ATP8A2: variants seen among roughly 807,000 people sequenced by gnomAD.
ATP8A2 encodes ATPase phospholipid transporting 8A2, also known as phospholipid-transporting ATPase IB.
A neutral mutation model predicts 165.6 loss-of-function variants in ATP8A2; 100 were observed. That is an observed-to-expected ratio of 0.60 (90% CI 0.51 to 0.71). The LOEUF is 0.71. Among genes scored for constraint, ATP8A2 ranks in the 30% least tolerant of loss-of-function variants. The pLI, the probability that ATP8A2 is intolerant of heterozygous loss-of-function variation, is 0.00. For missense variants in ATP8A2, 1,227 were observed against 1,479.5 expected, an observed-to-expected ratio of 0.83 and a Z score of 2.80; for synonymous variants, 543 against 548.8, an observed-to-expected ratio of 0.99 and a Z score of 0.15.
chr13:25,870,686 C>G (rs1024110745), intron 33 of ATP8A2, among the ~76,000 whole-genome samples: 15 of 152,162 alleles, frequency 9.9e-5, no homozygotes, highest in African/African-American at 3.4e-4. Context: ...GTCGGTTGGA[C>G]TCCAAGCTGG....
chr13:25,777,674 G>A (rs1375850073), intron 27 of ATP8A2, among the ~76,000 whole-genome samples: 3 of 152,124 alleles, frequency 2.0e-5, no homozygotes, highest in Admixed American at 6.5e-5. Flanking sequence ...AAATACACAT[G>A]TGTGCATGCA....
chr13:25,681,884 C>T (rs568862130), intron 24 of ATP8A2, among the ~76,000 whole-genome samples: 1 of 152,104 alleles, frequency 6.6e-6, no homozygotes, highest in Admixed American at 6.5e-5. Flanking sequence ...TGAGAACAAA[C>T]GAAGACTTGG....
intron 25 of ATP8A2, among the ~76,000 whole-genome samples, chr13:25,735,784 T>C (rs1010159112): frequency 1.3e-5 from 2 of 152,184 alleles, no homozygotes; most frequent in African/African-American, 4.8e-5. Context: ...GCTGTTGTAA[T>C]GTCATAGTGC....
Position 26,025,253 on chromosome 13 carries a change from C to CT in ATP8A2, c.*5269dup, listed in dbSNP as rs1271130121. Reference sequence around the variant, plus strand: ...CAATGTCAGTACTGAAACTCCTACTCTCCCCTCCCGCCCCACTCTCCCCCG... The same window carrying CT: ...CAATGTCAGTACTGAAACTCCTACTCTTCCCCTCCCGCCCCACTCTCCCCCG... On this transcript the variant is annotated 3_prime_UTR_variant, in exon 37 of 37. Transcript: ENST00000381655. The CT allele has an allele frequency of 6.6e-6, 1 of 152,106 alleles. No homozygotes were observed. The highest frequency in any genetic ancestry group is 1.5e-5 in the Non-Finnish European group (1 of 68,062). 9.4% of individuals were successfully genotyped at this position (152,106 alleles called of 1,614,324 possible). A position where few individuals can be genotyped will look rare whatever the true frequency, so the allele number is the denominator to read the frequency against.
At chr13:25,963,265 G>T (rs888221559) in intron 34 of ATP8A2, among the ~76,000 whole-genome samples, 4 of 151,918 alleles carry the variant, frequency 2.6e-5, no homozygotes, top group African/African-American at 9.7e-5. Flanking sequence ...GTGGTGGCGG[G>T]CACCTGTAGT....
intron 24 of ATP8A2, among the ~76,000 whole-genome samples, chr13:25,592,513 C>T (rs555545292): frequency 7.9e-5 from 12 of 152,272 alleles, no homozygotes; most frequent in East Asian, 5.8e-4. Context: ...GCCAAAACAC[C>T]GCATCGGTGG....
intron 11 of ATP8A2, among the ~76,000 whole-genome samples, chr13:25,552,277 A>G (rs1185752804): frequency 6.6e-6 from 1 of 152,070 alleles, no homozygotes; most frequent in East Asian, 1.9e-4. Flanking sequence ...GTGAGTCACC[A>G]CGCCTGGCCA....
At chr13:25,829,678 A>G (rs1488857324) in intron 28 of ATP8A2, among the ~76,000 whole-genome samples, 71 of 24,646 alleles carry the variant, frequency 2.9e-3, no homozygotes, top group Middle Eastern at 0.014. Flanking sequence ...GTATATATAT[A>G]TATATATATA....
intron 25 of ATP8A2, among the ~76,000 whole-genome samples, chr13:25,744,916 G>C (rs1427310821): frequency 6.7e-6 from 1 of 150,300 alleles, no homozygotes; most frequent in Non-Finnish European, 1.5e-5. Flanking sequence ...CACTAGAGCA[G>C]GGGCCCAGTT....
chr13:25,968,432 A>G, intron 34 of ATP8A2, 143 bp from the exon 35 acceptor site: 1 of 679,534 alleles, frequency 1.5e-6, no homozygotes, highest in Non-Finnish European at 2.6e-6. Context: ...TCATGCATGG[A>G]GACTGTGAAA....
chr13:25,972,702 T>C (rs1281839205), intron 35 of ATP8A2, among the ~76,000 whole-genome samples: 28 of 152,102 alleles, frequency 1.8e-4, no homozygotes. Flanking sequence ...TGGAAGAAAA[T>C]TCTTTGTTTT....
At chr13:25,751,435 ATTTAT>A (rs979385534) in intron 25 of ATP8A2, among the ~76,000 whole-genome samples, 3 of 152,000 alleles carry the variant, frequency 2.0e-5, no homozygotes, top group African/African-American at 7.3e-5. Context: ...TTTATTATTT[ATTTAT>A]TTTATTTTAT....
chr13:25,987,568 C>T (rs1008329690), intron 35 of ATP8A2, among the ~76,000 whole-genome samples: 26 of 152,266 alleles, frequency 1.7e-4, no homozygotes, highest in South Asian at 2.1e-4. Flanking sequence ...ATGCTGTTGC[C>T]TCACTCCCCG....
At chr13:25,602,021 A>G (rs1421998786) in intron 24 of ATP8A2, among the ~76,000 whole-genome samples, 1 of 151,860 alleles carries the variant, frequency 6.6e-6, no homozygotes, top group East Asian at 1.9e-4. Context: ...TTTTCCTACC[A>G]TCTGCTAAAA....
rs114873415 is a variant in ATP8A2 at position 25,819,366 on chromosome 13, C to T, written c.2680-8752C>T. Among the ~76,000 whole-genome samples, 561 of 152,218 alleles carry T rather than the reference C, an allele frequency of 3.7e-3. 2 individuals carry two copies. The highest frequency in any genetic ancestry group is 0.013 in the African/African-American group (534 of 41,538). ...GGTCTCCATTTAATTCTGGCCACTC[C>T]ATCCCATAATTTATTGAACAGAAAA... On this transcript the variant is annotated intron_variant, in intron 27 of 36. Coordinates refer to ENST00000381655, the MANE Select transcript of ATP8A2 (RefSeq NM_016529.6).
chr13:25,519,240 A>G (rs2037579900), intron 2 of ATP8A2, among the ~76,000 whole-genome samples: 2 of 152,060 alleles, frequency 1.3e-5, no homozygotes, highest in Non-Finnish European at 2.9e-5. Context: ...TCACCTTCTC[A>G]GTGAAACCTT....
At chr13:25,421,145 G>C (rs2034287185) in intron 1 of ATP8A2, among the ~76,000 whole-genome samples, 1 of 152,190 alleles carries the variant, frequency 6.6e-6, no homozygotes, top group African/African-American at 2.4e-5. Context: ...AGAAAGCACA[G>C]ATTAAAAATC....
In ATP8A2 at chr13:26,023,400, C is replaced by T. The variant is rs761772337; in HGVS notation, c.*3415C>T. ...GAGAATTCTGTTGACATTTTCTTTCCCTTGACAAGGCTTCAGGTTCGTCTC... is the reference window on the plus strand; with the variant it reads ...GAGAATTCTGTTGACATTTTCTTTCTCTTGACAAGGCTTCAGGTTCGTCTC... On this transcript the variant is annotated 3_prime_UTR_variant, in exon 37 of 37. Coordinates refer to ENST00000381655, the MANE Select transcript of ATP8A2 (RefSeq NM_016529.6). The T allele has an allele frequency of 2.0e-5, 3 of 152,108 alleles. No individual in the cohort carries two copies. Among genetic ancestry groups the T allele is most frequent in the Non-Finnish European group, 2.9e-5 (2 of 68,024 alleles). 9.4% of individuals were successfully genotyped at this position (152,108 alleles called of 1,614,324 possible).
intron 25 of ATP8A2, among the ~76,000 whole-genome samples, chr13:25,737,496 T>C (rs1191724311): frequency 6.6e-6 from 1 of 152,046 alleles, no homozygotes; most frequent in Non-Finnish European, 1.5e-5. Context: ...TTGCAAATTA[T>C]CGCTTTCTTT....
Sources: allele counts gnomAD v4.1 joint callset (sites outside exome capture counted in the v4.1 genomes callset), GRCh38; gene constraint gnomAD v4.1.1; transcripts MANE v1.5; gene names NCBI Gene and HGNC (gene_info 2026-07-23, HGNC 2026-07-21).